TFDP2: variants seen among roughly 807,000 people sequenced by gnomAD.
TFDP2 encodes transcription factor Dp-2.
In TFDP2, 17 loss-of-function variants were observed where a neutral mutation model predicts 59.3. The observed-to-expected ratio is 0.29, with a 90% CI of 0.20 to 0.43. The LOEUF is 0.43. TFDP2 is among the 20% of genes least tolerant of loss of function. The probability of loss-of-function intolerance (pLI) is 1.00; values close to 1 mark genes in which losing one functional copy is unlikely to be tolerated. For synonymous variants in TFDP2, 180 were observed against 194.7 expected, an observed-to-expected ratio of 0.92 and a Z score of 0.63; for missense variants, 391 against 528.8, an observed-to-expected ratio of 0.74 and a Z score of 2.56.
At chr3:142,140,432 G>A (rs1367734833) in intron 1 of TFDP2, among the ~76,000 whole-genome samples, 2 of 152,146 alleles carry the variant, frequency 1.3e-5, no homozygotes, top group East Asian at 3.9e-4. Context: ...TCCTTTGGAG[G>A]AGAAGAGGCA....
At chr3:142,003,511 C>T (rs1943978873) in intron 4 of TFDP2, among the ~76,000 whole-genome samples, 1 of 152,174 alleles carries the variant, frequency 6.6e-6, no homozygotes, top group Non-Finnish European at 1.5e-5. Flanking sequence ...AGGCTCTATC[C>T]CTTAATAGCA....
intron 6 of TFDP2, among the ~76,000 whole-genome samples, chr3:141,985,243 T>C (rs2108111453): frequency 6.6e-6 from 1 of 152,206 alleles, no homozygotes; most frequent in East Asian, 1.9e-4. Context: ...AAAATCCCTA[T>C]TTTGGCCAAG....
At chr3:142,062,937 T>A (rs2059967397) in intron 3 of TFDP2, among the ~76,000 whole-genome samples, 1 of 152,102 alleles carries the variant, frequency 6.6e-6, no homozygotes, top group Non-Finnish European at 1.5e-5. Flanking sequence ...GAGAAAATAA[T>A]CTGTGCTTTT....
chr3:142,045,976 T>A (rs1024766621), intron 3 of TFDP2, among the ~76,000 whole-genome samples: 1 of 152,156 alleles, frequency 6.6e-6, no homozygotes, highest in African/African-American at 2.4e-5. Context: ...AGTCACATAA[T>A]ACTATGGCTC....
intron 3 of TFDP2, among the ~76,000 whole-genome samples, chr3:142,072,281 T>C (rs1157666333): frequency 6.6e-6 from 1 of 152,248 alleles, no homozygotes; most frequent in African/African-American, 2.4e-5. Context: ...ATGTGGACAC[T>C]GTAGTTTAGA....
At chr3:142,105,259 T>C (rs2061435166) in intron 1 of TFDP2, among the ~76,000 whole-genome samples, 1 of 152,182 alleles carries the variant, frequency 6.6e-6, no homozygotes, top group Non-Finnish European at 1.5e-5. Flanking sequence ...CCAAAGCAAA[T>C]ACTATTGCCT....
chr3:142,134,442 A>G (rs1021569509), intron 1 of TFDP2, among the ~76,000 whole-genome samples: 1 of 152,104 alleles, frequency 6.6e-6, no homozygotes, highest in Non-Finnish European at 1.5e-5. Flanking sequence ...CTTAAGATAG[A>G]TGTAAGCTAA....
chr3:142,117,895 G>A (rs1268366186), intron 1 of TFDP2, among the ~76,000 whole-genome samples: 1 of 152,118 alleles, frequency 6.6e-6, no homozygotes, highest in Non-Finnish European at 1.5e-5. Flanking sequence ...TCAGGAGTTC[G>A]AGACCAGCCT....
chr3:142,128,160 C>T (rs2062342091), intron 1 of TFDP2, among the ~76,000 whole-genome samples: 1 of 152,122 alleles, frequency 6.6e-6, no homozygotes, highest in African/African-American at 2.4e-5. Context: ...TATAATCACA[C>T]CACTGCACTC....
intron 3 of TFDP2, among the ~76,000 whole-genome samples, chr3:142,063,525 ATCTCTGTCTGTGTC>A (rs1340478464): frequency 6.6e-6 from 1 of 152,218 alleles, no homozygotes; most frequent in Non-Finnish European, 1.5e-5. Context: ...TATGATAAAC[ATCTCTGTCTGTGTC>A]TACATTAATC....
At chr3:142,104,937 A>C (rs2061427264) in intron 1 of TFDP2, among the ~76,000 whole-genome samples, 1 of 152,162 alleles carries the variant, frequency 6.6e-6, no homozygotes, top group African/African-American at 2.4e-5. Context: ...GTAGAGTGGA[A>C]AGAGTATGGA....
At chr3:142,055,990 G>A (rs1307617754) in intron 3 of TFDP2, among the ~76,000 whole-genome samples, 3 of 115,104 alleles carry the variant, frequency 2.6e-5, no homozygotes, top group African/African-American at 1.0e-4. Flanking sequence ...GTCTCGCTCT[G>A]TCGCCCAGGC....
chr3:141,977,347 G>A (rs1363131085), intron 7 of TFDP2, among the ~76,000 whole-genome samples: 1 of 149,916 alleles, frequency 6.7e-6, no homozygotes, highest in African/African-American at 2.4e-5. Context: ...TGAGGCTGGA[G>A]GATCACTTGA....
chr3:142,031,365 T>A (rs151046608), intron 3 of TFDP2, among the ~76,000 whole-genome samples: 1 of 152,308 alleles, frequency 6.6e-6, no homozygotes, highest in East Asian at 1.9e-4. Flanking sequence ...TCCACAGATC[T>A]GACCTTCAGC....
chr3:142,107,066 A>G (rs925712879), intron 1 of TFDP2, among the ~76,000 whole-genome samples: 2 of 152,186 alleles, frequency 1.3e-5, no homozygotes, highest in African/African-American at 4.8e-5. Flanking sequence ...ATGACTCATA[A>G]TTTAGAAAAT....
intron 3 of TFDP2, among the ~76,000 whole-genome samples, chr3:142,031,837 A>G (rs557990599): frequency 1.8e-4 from 28 of 152,314 alleles, no homozygotes; most frequent in African/African-American, 6.3e-4. Flanking sequence ...TAGTGTAATG[A>G]TGGCAGGCAT....
chr3:142,058,334 T>C (rs1255825672), intron 3 of TFDP2, among the ~76,000 whole-genome samples: 2 of 152,006 alleles, frequency 1.3e-5, no homozygotes, highest in African/African-American at 4.8e-5. Context: ...TTTTTTTTTT[T>C]TTAAATCACA....
chr3:142,045,314 A>T (rs1414971299), intron 3 of TFDP2, among the ~76,000 whole-genome samples: 1 of 150,248 alleles, frequency 6.7e-6, no homozygotes. Context: ...TGCCCACCAC[A>T]ACACCGGGCT....
intron 1 of TFDP2, among the ~76,000 whole-genome samples, chr3:142,108,701 A>G (rs1189725285): frequency 6.6e-6 from 1 of 152,224 alleles, no homozygotes; most frequent in East Asian, 1.9e-4. Context: ...TGGTGACAGT[A>G]ATGACATTTT....
Sources: allele counts gnomAD v4.1 joint callset (sites outside exome capture counted in the v4.1 genomes callset), GRCh38; gene constraint gnomAD v4.1.1; transcripts MANE v1.5; gene names NCBI Gene and HGNC (gene_info 2026-07-23, HGNC 2026-07-21).